PCSK6: variants seen among roughly 807,000 people sequenced by gnomAD.
PCSK6 encodes proprotein convertase subtilisin/kexin type 6.
Under a neutral mutation model 123.3 loss-of-function variants are expected in PCSK6, and 85 were observed. That is an observed-to-expected ratio of 0.69 (90% CI 0.58 to 0.83). PCSK6 has a LOEUF of 0.83. PCSK6 is among the 40% of genes least tolerant of loss of function. The pLI, the probability that PCSK6 is intolerant of heterozygous loss-of-function variation, is 0.00. For synonymous variants in PCSK6, 508 were observed against 516.0 expected, an observed-to-expected ratio of 0.98 and a Z score of 0.21; for missense variants, 1,191 against 1,282.3, an observed-to-expected ratio of 0.93 and a Z score of 1.09.
chr15:101,307,172 T>G, intron 21 of PCSK6, 41 bp downstream of exon 21: 1 of 1,460,804 alleles, frequency 6.8e-7, no homozygotes, highest in Non-Finnish European at 9.6e-7. Context: ...CCAGCTGAGC[T>G]CCTCCACAGG....
chr15:101,358,639 C>T (rs762231563), intron 13 of PCSK6, among the ~76,000 whole-genome samples: 2 of 152,228 alleles, frequency 1.3e-5, no homozygotes, highest in Admixed American at 6.5e-5. Context: ...CGCAGACCTC[C>T]CATTTTGACA....
rs2141323766 is a variant in PCSK6 at position 101,304,587 on chromosome 15, T to G, written c.*671A>C. The G allele has an allele frequency of 6.6e-6, 1 of 152,358 alleles. No individual in the cohort carries two copies. Among genetic ancestry groups the G allele is most frequent in the East Asian group, 1.9e-4 (1 of 5,184 alleles). The allele number at this position is 152,358 out of a possible 1,614,324, so 9.4% of individuals were successfully genotyped here. The stretch of plus-strand genomic sequence containing the variant: ...AACACGGTAACAAGGAGAGCTCGGC[T>G]TGCTCAAAGGAGAGCGCTGCGGGGG... On this transcript the variant is annotated 3_prime_UTR_variant, in exon 22 of 22. Transcript: ENST00000611716.
chr15:101,347,865 G>T (rs1266226833), intron 13 of PCSK6: 2 of 1,032,902 alleles, frequency 1.9e-6, no homozygotes, highest in East Asian at 2.4e-5. Context: ...GAGGGCAGCA[G>T]GAGGAAGCGC....
intron 18 of PCSK6, among the ~76,000 whole-genome samples, chr15:101,322,098 C>A (rs372764613): frequency 2.0e-5 from 3 of 152,130 alleles, no homozygotes; most frequent in African/African-American, 7.2e-5. Flanking sequence ...AGAGCACCCT[C>A]AGGAAGCCGT....
At chr15:101,381,983 C>T (rs1486209363) in intron 11 of PCSK6, 109 bp downstream of exon 11, 3 of 703,344 alleles carry the variant, frequency 4.3e-6, no homozygotes, top group Non-Finnish European at 7.4e-6. Flanking sequence ...TGCACACGCA[C>T]ATGTGCACAG....
intron 2 of PCSK6, among the ~76,000 whole-genome samples, chr15:101,435,318 A>AGAAAGAAAG (rs1555459439): frequency 1.0e-4 from 15 of 148,202 alleles, no homozygotes; most frequent in African/African-American, 3.3e-4. Flanking sequence ...CTCAAAAAAA[A>AGAAAGAAAG]AAAGAAAGAA....
intron 11 of PCSK6, among the ~76,000 whole-genome samples, chr15:101,374,429 G>A (rs1447418338): frequency 2.0e-5 from 3 of 152,220 alleles, no homozygotes; most frequent in Non-Finnish European, 1.5e-5. Flanking sequence ...TACCTGGGAA[G>A]CTACTCCATG....
intron 12 of PCSK6, among the ~76,000 whole-genome samples, chr15:101,367,768 A>C (rs2041444478): frequency 6.6e-6 from 1 of 152,238 alleles, no homozygotes; most frequent in African/African-American, 2.4e-5. Flanking sequence ...CCTTGGAAAA[A>C]AACCAAAGTC....
chr15:101,328,012 A>G (rs1375425603), intron 15 of PCSK6, among the ~76,000 whole-genome samples: 1 of 152,198 alleles, frequency 6.6e-6, no homozygotes, highest in Non-Finnish European at 1.5e-5. Context: ...ATTTTGGATC[A>G]ATTCCCATCT....
chr15:101,361,941 G>A (rs549190659), intron 13 of PCSK6, among the ~76,000 whole-genome samples: 1 of 150,688 alleles, frequency 6.6e-6, no homozygotes, highest in East Asian at 2.0e-4. Flanking sequence ...CCAAGCAATG[G>A]AGTGCAAGGT....
chr15:101,460,067 T>G (rs1371012433), intron 1 of PCSK6, among the ~76,000 whole-genome samples: 1 of 151,796 alleles, frequency 6.6e-6, no homozygotes, highest in Non-Finnish European at 1.5e-5. Flanking sequence ...GAGGGCCTCC[T>G]CCCCACACAG....
intron 7 of PCSK6, among the ~76,000 whole-genome samples, chr15:101,395,867 A>G (rs903561): frequency 0.86 from 130,475 of 152,156 alleles, 56,040 homozygotes; most frequent in East Asian, 0.94. Context: ...CTTCTGAATA[A>G]CTAGGTGTGA....
chr15:101,342,608 TAC>T (rs2040639847), intron 13 of PCSK6, among the ~76,000 whole-genome samples: 1 of 152,178 alleles, frequency 6.6e-6, no homozygotes, highest in Admixed American at 6.5e-5. Context: ...GTATCAAGAA[TAC>T]ACTGGCTTCA....
At chr15:101,424,103 T>A (rs531809134) in intron 6 of PCSK6, among the ~76,000 whole-genome samples, 1 of 151,622 alleles carries the variant, frequency 6.6e-6, no homozygotes, top group Non-Finnish European at 1.5e-5. Context: ...GGAAAGGTTG[T>A]GTTCACCTGC....
intron 13 of PCSK6, among the ~76,000 whole-genome samples, chr15:101,364,631 C>A (rs934121641): frequency 1.3e-5 from 2 of 152,082 alleles, no homozygotes; most frequent in African/African-American, 4.8e-5. Flanking sequence ...CTCAACACTA[C>A]AAAAAACACT....
At chr15:101,386,150 C>T (rs568840210) in intron 9 of PCSK6, among the ~76,000 whole-genome samples, 27 of 152,084 alleles carry the variant, frequency 1.8e-4, no homozygotes, top group Non-Finnish European at 3.4e-4. Context: ...TTACTAGGAA[C>T]GCACGCCGCG....
chr15:101,396,761 G>C (rs966855038), intron 7 of PCSK6, among the ~76,000 whole-genome samples: 7 of 152,110 alleles, frequency 4.6e-5, no homozygotes, highest in African/African-American at 1.7e-4. Flanking sequence ...GTTTTCTTGG[G>C]GGAATGGAGA....
At chr15:101,405,915 A>G (rs970209262) in intron 6 of PCSK6, among the ~76,000 whole-genome samples, 1 of 151,942 alleles carries the variant, frequency 6.6e-6, no homozygotes, top group South Asian at 2.1e-4. Context: ...GCTAATTTTT[A>G]TATTTTTAGT....
At chr15:101,326,563 C>A in intron 15 of PCSK6, 84 bp from the exon 16 acceptor site, 2 of 1,330,314 alleles carry the variant, frequency 1.5e-6, no homozygotes, top group South Asian at 1.3e-5. Context: ...GTCAGGATAT[C>A]GCAGCTTGGC....
Sources: gnomAD v4.1 joint callset for allele counts (sites outside exome capture counted in the v4.1 genomes callset) on GRCh38, gnomAD v4.1.1 for gene constraint, MANE v1.5 for transcripts, NCBI Gene and HGNC (gene_info 2026-07-23, HGNC 2026-07-21) for gene names.